CAMK4: variants seen among roughly 807,000 people sequenced by gnomAD.
CAMK4 encodes the protein calcium/calmodulin dependent protein kinase IV, also known as calcium/calmodulin-dependent protein kinase type IV.
Under a neutral mutation model 44.9 loss-of-function variants are expected in CAMK4, and 22 were observed. The ratio of observed to expected loss-of-function variants is 0.49; its 90% CI spans 0.35 to 0.70. The LOEUF is 0.70. Among genes scored for constraint, CAMK4 ranks in the 30% least tolerant of loss-of-function variants. The pLI, the probability that CAMK4 is intolerant of heterozygous loss-of-function variation, is 0.01. For missense variants in CAMK4, 498 were observed against 586.8 expected, an observed-to-expected ratio of 0.85 and a Z score of 1.56; for synonymous variants, 218 against 215.4, an observed-to-expected ratio of 1.01 and a Z score of -0.11.
At chr5:111,477,114 C>G (rs1430578435) in intron 8 of CAMK4, among the ~76,000 whole-genome samples, 2 of 152,162 alleles carry the variant, frequency 1.3e-5, no homozygotes, top group Non-Finnish European at 2.9e-5. Flanking sequence ...AGGGTGAGGA[C>G]ATGTGCCCTG....
chr5:111,238,058 A>G (rs903366731), intron 1 of CAMK4, among the ~76,000 whole-genome samples: 4 of 151,908 alleles, frequency 2.6e-5, no homozygotes, highest in African/African-American at 9.7e-5. Flanking sequence ...GCGTGGTGAA[A>G]GGAAACTGTG....
rs575131453 is a variant in CAMK4 at position 111,262,377 on chromosome 5, A to C, written c.161+37733A>C. Among the ~76,000 whole-genome samples the C allele has an allele frequency of 1.2e-4, 19 of 152,254 alleles. No homozygotes were observed. In the South Asian group the frequency reaches 3.5e-3, roughly 28 times the overall value. On this transcript the variant is annotated intron_variant, in intron 1 of 10. Coordinates refer to ENST00000282356, the MANE Select transcript of CAMK4 (RefSeq NM_001744.6). The stretch of plus-strand genomic sequence containing the variant: ...TGAAGTTAGGCTCCCACTCTCCTAC[A>C]GAGGCTGAGAGGGTACTATCTTTCT...
At chr5:111,321,962 G>A (rs540703163) in intron 1 of CAMK4, among the ~76,000 whole-genome samples, 67 of 152,110 alleles carry the variant, frequency 4.4e-4, no homozygotes, top group African/African-American at 1.6e-3. Context: ...TAACAATCAT[G>A]ACTGAATCAA....
intron 1 of CAMK4, among the ~76,000 whole-genome samples, chr5:111,226,657 T>A (rs937320734): frequency 7.2e-5 from 11 of 152,220 alleles, no homozygotes; most frequent in African/African-American, 2.4e-4. Flanking sequence ...TTTGTAGACA[T>A]GGTGAGATAT....
intron 1 of CAMK4, among the ~76,000 whole-genome samples, chr5:111,308,719 A>G (rs1236906206): frequency 2.6e-5 from 4 of 152,208 alleles, no homozygotes; most frequent in Non-Finnish European, 4.4e-5. Context: ...TATGTTATGG[A>G]AAACAATAGC....
intron 1 of CAMK4, among the ~76,000 whole-genome samples, chr5:111,253,640 T>G (rs1446736091): frequency 6.6e-6 from 1 of 152,220 alleles, no homozygotes; most frequent in Non-Finnish European, 1.5e-5. Context: ...GTGCATTTGC[T>G]AAAATGCTTA....
At chr5:111,420,625 C>T (rs190373877) in intron 5 of CAMK4, among the ~76,000 whole-genome samples, 4 of 152,176 alleles carry the variant, frequency 2.6e-5, no homozygotes, top group Admixed American at 1.3e-4. Flanking sequence ...CCTGCAGTCT[C>T]GACCATAAAA....
intron 5 of CAMK4, among the ~76,000 whole-genome samples, chr5:111,398,619 T>C (rs1290461226): frequency 6.6e-6 from 1 of 152,240 alleles, no homozygotes; most frequent in African/African-American, 2.4e-5. Flanking sequence ...TTGTTTATCA[T>C]GTAGGAATTA....
At chr5:111,401,020 C>G (rs747971987) in intron 5 of CAMK4, among the ~76,000 whole-genome samples, 10 of 152,180 alleles carry the variant, frequency 6.6e-5, no homozygotes, top group Non-Finnish European at 1.3e-4. Context: ...CTGATACAGC[C>G]TTTCTTCCCT....
intron 5 of CAMK4, among the ~76,000 whole-genome samples, chr5:111,422,473 A>G (rs1255654580): frequency 6.6e-6 from 1 of 152,244 alleles, no homozygotes. Context: ...AAGCTTAACC[A>G]CAACAGGTAG....
rs1751154959 is a variant in CAMK4 at position 111,374,878 on chromosome 5, T to C, written c.269T>C (p.Ile90Thr). The C allele has an allele frequency of 1.2e-6, 2 of 1,611,920 alleles. No homozygotes were observed. Among genetic ancestry groups the C allele is most frequent in the Non-Finnish European group, 1.7e-6 (2 of 1,178,416 alleles). ...TVDKKIVRTE[I>T]GVLLRLSHPN... ...GACAAAAAAATCGTAAGAACTGAGATAGGAGTTCTTCTTCGCCTCTCACAT... is the reference window on the plus strand; with the variant it reads ...GACAAAAAAATCGTAAGAACTGAGACAGGAGTTCTTCTTCGCCTCTCACAT... Residue 90 changes from isoleucine (I) to threonine (T), a missense_variant, in exon 3 of 11, where the codon ATA (isoleucine) becomes ACA (threonine). Around this residue, in one of 3 missense-constraint regions of CAMK4, gnomAD observed 152 missense variants for 143.7 expected, o/e 1.06. Transcript: ENST00000282356.
chr5:111,480,286 A>ACACACACACACACACACC (rs1163614814), intron 9 of CAMK4, among the ~76,000 whole-genome samples: 10 of 148,992 alleles, frequency 6.7e-5, no homozygotes, highest in African/African-American at 2.0e-4. Flanking sequence ...ACACACACAC[A>ACACACACACACACACACC]CACCCCTGGG....
rs1335837428 is a variant in CAMK4, at chr5:111,485,256, A to C, written c.*790A>C. The C allele has an allele frequency of 1.3e-5, 2 of 152,214 alleles. No individual in the cohort carries two copies. Among genetic ancestry groups the C allele is most frequent in the Non-Finnish European group, 2.9e-5 (2 of 68,036 alleles). 9.4% of individuals were successfully genotyped at this position (152,214 alleles called of 1,614,324 possible). On this transcript the variant is annotated 3_prime_UTR_variant, in exon 11 of 11. Transcript: ENST00000282356. Reference sequence around the variant, plus strand: ...TAGGGTGTAATAAACAGGGAAGAAAAGAAGGTAAGACTGTACTTAAACTGA... The same window carrying C: ...TAGGGTGTAATAAACAGGGAAGAAACGAAGGTAAGACTGTACTTAAACTGA...
chr5:111,419,241 C>T (rs907315941), intron 5 of CAMK4, among the ~76,000 whole-genome samples: 3 of 152,168 alleles, frequency 2.0e-5, no homozygotes, highest in Non-Finnish European at 4.4e-5. Context: ...TAAATATCTT[C>T]TTTTGAGAAG....
intron 1 of CAMK4, among the ~76,000 whole-genome samples, chr5:111,281,325 G>T (rs1751007153): frequency 6.6e-6 from 1 of 152,160 alleles, no homozygotes; most frequent in Non-Finnish European, 1.5e-5. Context: ...CTGCTTTCCT[G>T]TATTAGCTTT....
intron 10 of CAMK4, among the ~76,000 whole-genome samples, chr5:111,483,561 G>A (rs1755504256): frequency 6.6e-6 from 1 of 152,070 alleles, no homozygotes; most frequent in African/African-American, 2.4e-5. Flanking sequence ...AAATAAATCT[G>A]AAAGGCTCCA....
At chr5:111,241,416 G>T (rs1041489155) in intron 1 of CAMK4, among the ~76,000 whole-genome samples, 1 of 152,036 alleles carries the variant, frequency 6.6e-6, no homozygotes, top group African/African-American at 2.4e-5. Context: ...CCACAAAAAT[G>T]AAGTGCCCTC....
intron 2 of CAMK4, among the ~76,000 whole-genome samples, chr5:111,362,520 C>T (rs1386275138): frequency 6.6e-6 from 1 of 151,560 alleles, no homozygotes; most frequent in African/African-American, 2.4e-5. Context: ...AACAAATAAA[C>T]CAAAATGCTA....
intron 1 of CAMK4, among the ~76,000 whole-genome samples, chr5:111,296,877 C>G (rs1027023026): frequency 1.3e-5 from 2 of 152,148 alleles, no homozygotes; most frequent in Non-Finnish European, 2.9e-5. Context: ...TCATTCTGTT[C>G]TAAATCAATA....
Sources: allele counts gnomAD v4.1 joint callset (sites outside exome capture counted in the v4.1 genomes callset), GRCh38; gene constraint gnomAD v4.1.1; regional missense constraint gnomAD v4.1.1; transcripts MANE v1.5; gene names NCBI Gene and HGNC (gene_info 2026-07-23, HGNC 2026-07-21).